The following PRKAR2A variants were observed in gnomAD, a reference collection of about 807,000 sequenced individuals.
PRKAR2A encodes cAMP-dependent protein kinase type II-alpha regulatory subunit.
PRKAR2A carries 29 observed loss-of-function variants against 51.9 expected under a neutral mutation model. That is an observed-to-expected ratio of 0.56 (90% CI 0.42 to 0.76). PRKAR2A has a LOEUF of 0.76. PRKAR2A is among the 30% of genes least tolerant of loss of function. The pLI is 0.00. For missense variants in PRKAR2A, 445 were observed against 512.1 expected (o/e 0.87, Z 1.26); for synonymous variants, 178 against 186.2 (o/e 0.96, Z 0.36).
At chr3:48,760,096 G>A (rs899663131) in intron 8 of PRKAR2A, among the ~76,000 whole-genome samples, 2 of 152,174 alleles carry the variant, frequency 1.3e-5, no homozygotes, top group Non-Finnish European at 1.5e-5. Context: ...GGTGGCTCAC[G>A]CCATCCCAGT....
At chr3:48,787,280 G>A (rs2107301798) in intron 4 of PRKAR2A, among the ~76,000 whole-genome samples, 1 of 152,110 alleles carries the variant, frequency 6.6e-6, no homozygotes, top group South Asian at 2.1e-4. Flanking sequence ...CTGCCTCCTG[G>A]GTTCAAGCGA....
intron 8 of PRKAR2A, among the ~76,000 whole-genome samples, chr3:48,759,714 T>C (rs2081835273): frequency 6.6e-6 from 1 of 152,190 alleles, no homozygotes; most frequent in Non-Finnish European, 1.5e-5. Flanking sequence ...AGTTCACTAA[T>C]AGGCTCTGTG....
At chr3:48,760,357 C>CA (rs1313721001) in intron 8 of PRKAR2A, among the ~76,000 whole-genome samples, 1 of 151,636 alleles carries the variant, frequency 6.6e-6, no homozygotes, top group East Asian at 1.9e-4. Flanking sequence ...GACTCTGTCT[C>CA]AAAAAACAAA....
At chr3:48,828,745 T>A (rs576814573) in intron 1 of PRKAR2A, among the ~76,000 whole-genome samples, 66 of 150,516 alleles carry the variant, frequency 4.4e-4, no homozygotes, top group Admixed American at 7.3e-4. Context: ...AAAGAAAAAT[T>A]GATTTATATT....
intron 1 of PRKAR2A, among the ~76,000 whole-genome samples, chr3:48,842,408 C>T (rs1217743899): frequency 6.6e-6 from 1 of 152,148 alleles, no homozygotes; most frequent in East Asian, 1.9e-4. Flanking sequence ...CCTTTATTTC[C>T]TTCTCCTGCC....
intron 2 of PRKAR2A, among the ~76,000 whole-genome samples, chr3:48,804,007 G>A (rs956549158): frequency 3.3e-5 from 5 of 152,110 alleles, no homozygotes; most frequent in Non-Finnish European, 5.9e-5. Flanking sequence ...TAGCATGATT[G>A]CTGGTATCAA....
intron 1 of PRKAR2A, among the ~76,000 whole-genome samples, chr3:48,826,636 C>T (rs1439253279): frequency 2.0e-5 from 3 of 152,176 alleles, no homozygotes; most frequent in Non-Finnish European, 4.4e-5. Context: ...CATCAGCCCT[C>T]CTATCACATG....
At chr3:48,792,463 T>C (rs2082406364) in intron 3 of PRKAR2A, among the ~76,000 whole-genome samples, 1 of 121,968 alleles carries the variant, frequency 8.2e-6, no homozygotes, top group Non-Finnish European at 1.7e-5. Context: ...ATCTTTTTTT[T>C]TTTTTTTTTT....
At chr3:48,776,928 TA>T (rs541016881) in intron 5 of PRKAR2A, among the ~76,000 whole-genome samples, 2 of 152,238 alleles carry the variant, frequency 1.3e-5, no homozygotes, top group South Asian at 2.1e-4. Flanking sequence ...TGATTTAATG[TA>T]AAAAAAATTA....
intron 8 of PRKAR2A, among the ~76,000 whole-genome samples, 175 bp from the exon 9 acceptor site, chr3:48,756,619 A>G (rs943036267): frequency 6.7e-6 from 1 of 150,198 alleles, no homozygotes; most frequent in African/African-American, 2.4e-5. Context: ...TAGGAAAAGG[A>G]AAAAAAAAAG....
chr3:48,791,057 G>C (rs2082374478), intron 3 of PRKAR2A, among the ~76,000 whole-genome samples: 1 of 152,128 alleles, frequency 6.6e-6, no homozygotes. Flanking sequence ...GGGAGGCCGA[G>C]GCAGGCAGAT....
At chr3:48,803,497 T>A (rs2107348686) in intron 2 of PRKAR2A, among the ~76,000 whole-genome samples, 1 of 152,330 alleles carries the variant, frequency 6.6e-6, no homozygotes, top group African/African-American at 2.4e-5. Flanking sequence ...AAAGCTCAGC[T>A]CACTGTAACC....
chr3:48,803,050 C>T (rs1268620555), intron 2 of PRKAR2A, among the ~76,000 whole-genome samples: 1 of 151,978 alleles, frequency 6.6e-6, no homozygotes, highest in Admixed American at 6.6e-5. Context: ...AGATCATCTG[C>T]TAAGGATGAG....
intron 3 of PRKAR2A, among the ~76,000 whole-genome samples, chr3:48,791,330 C>T (rs1258970984): frequency 1.4e-5 from 2 of 144,922 alleles, no homozygotes; most frequent in Non-Finnish European, 1.5e-5. Context: ...GGCGTGGTGG[C>T]GCACGCCTGT....
At chr3:48,827,542 A>G (rs2083088966) in intron 1 of PRKAR2A, among the ~76,000 whole-genome samples, 1 of 152,192 alleles carries the variant, frequency 6.6e-6, no homozygotes, top group Non-Finnish European at 1.5e-5. Flanking sequence ...ACACAAACCT[A>G]GATGGTACAG....
chr3:48,782,847 G>T lies in PRKAR2A; in HGVS notation c.542+139C>A, dbSNP rs1575871545. On this transcript the variant is annotated intron_variant, in intron 5 of 10. Coordinates refer to ENST00000265563, the MANE Select transcript of PRKAR2A (RefSeq NM_004157.4). ...CACTGGTAGAGAGGGACAAGCTGTGGACTCTCACAAGGCTTTGGGAAGCTT... is the reference window on the plus strand; with the variant it reads ...CACTGGTAGAGAGGGACAAGCTGTGTACTCTCACAAGGCTTTGGGAAGCTT... 13 of 622,450 alleles carry T rather than the reference G, an allele frequency of 2.1e-5. No homozygotes were observed. In the East Asian group the frequency reaches 3.6e-4, roughly 17 times the overall value. 38.6% of individuals were successfully genotyped at this position (622,450 alleles called of 1,614,324 possible).
At chr3:48,772,716 C>T (rs2082046463) in intron 6 of PRKAR2A, among the ~76,000 whole-genome samples, 1 of 152,160 alleles carries the variant, frequency 6.6e-6, no homozygotes, top group Non-Finnish European at 1.5e-5. Flanking sequence ...TCTCGGCTCA[C>T]TGCAAGCTCC....
chr3:48,745,828 C>T (rs762254142), downstream of PRKAR2A, among the ~76,000 whole-genome samples: 7 of 152,036 alleles, frequency 4.6e-5, no homozygotes, highest in Admixed American at 1.3e-4. Context: ...TCTGAGTCAT[C>T]GTGCCCAGCC....
At chr3:48,790,825 A>T (rs1375783879) in intron 3 of PRKAR2A, among the ~76,000 whole-genome samples, 198 bp from the exon 4 acceptor site, 1 of 152,188 alleles carries the variant, frequency 6.6e-6, no homozygotes, top group Non-Finnish European at 1.5e-5. Context: ...ACCAACCCTG[A>T]AGCTACCTGC....
Sources: allele counts gnomAD v4.1 joint callset (sites outside exome capture counted in the v4.1 genomes callset), GRCh38; gene constraint gnomAD v4.1.1; transcripts MANE v1.5; gene names NCBI Gene and HGNC (gene_info 2026-07-23, HGNC 2026-07-21).